The following FRMPD4 variants were observed in gnomAD, a reference collection of about 807,000 sequenced individuals.
FRMPD4 encodes FERM and PDZ domain containing 4.
Under a neutral mutation model 94.1 loss-of-function variants are expected in FRMPD4, and 22 were observed. The ratio of observed to expected loss-of-function variants is 0.23; its 90% CI spans 0.17 to 0.33. FRMPD4 has a LOEUF of 0.33. Among genes scored for constraint, FRMPD4 ranks in the 10% least tolerant of loss-of-function variants. The pLI, the probability that FRMPD4 is intolerant of heterozygous loss-of-function variation, is 1.00. For synonymous variants in FRMPD4, 631 were observed against 548.6 expected (o/e 1.15, Z -2.10); for missense variants, 1,111 against 1,339.9 (o/e 0.83, Z 2.67).
chrX:12,343,542 A>C (rs140362253), intron 1 of FRMPD4, among the ~76,000 whole-genome samples: 1 of 111,508 alleles, frequency 9.0e-6, no homozygotes, highest in African/African-American at 3.3e-5. Flanking sequence ...AAATGAAGAG[A>C]AGAGAGCTGA....
chrX:12,488,447 T>C (rs1368500284), intron 1 of FRMPD4, among the ~76,000 whole-genome samples: 2 of 112,037 alleles, frequency 1.8e-5, no homozygotes, highest in South Asian at 3.7e-4. Flanking sequence ...AGTGAGTTTT[T>C]CCATTATTGT....
At chrX:12,347,401 C>A (rs940695440) in intron 1 of FRMPD4, among the ~76,000 whole-genome samples, 2 of 109,870 alleles carry the variant, frequency 1.8e-5, no homozygotes, top group African/African-American at 6.6e-5. Flanking sequence ...CCATGCTGGG[C>A]TAATTTTTTT....
chrX:12,539,491 T>C (rs1479384423), intron 2 of FRMPD4, among the ~76,000 whole-genome samples: 2 of 111,699 alleles, frequency 1.8e-5, no homozygotes, highest in African/African-American at 6.5e-5. Context: ...ATTTGTCAGA[T>C]TCACCAAAGT....
chrX:12,506,437 C>T (rs1489002217), intron 2 of FRMPD4, among the ~76,000 whole-genome samples: 4 of 110,774 alleles, frequency 3.6e-5, no homozygotes, highest in African/African-American at 6.6e-5. Flanking sequence ...TACAGGTGCA[C>T]GCCACCACAC....
intron 3 of FRMPD4, among the ~76,000 whole-genome samples, chrX:12,097,696 T>A (rs906510559): frequency 2.7e-5 from 3 of 112,642 alleles, no homozygotes; most frequent in African/African-American, 9.7e-5. Flanking sequence ...GTGTCTGGCT[T>A]CTTTCACTGA....
rs1427092600 is a variant in FRMPD4 at position 11,847,951 on chromosome X, G to T, written c.-160-17135G>T. On this transcript the variant is annotated intron_variant, in intron 1 of 18. Transcript: ENST00000640291. ...AATGCTAAATGACGAGTTAATGGGT[G>T]CAGCACACCAGCATGGCACATGTAG... 6.8e-5 allele frequency among the ~76,000 whole-genome samples: 7 copies of T among 103,069 alleles called. No homozygotes were observed. In the Admixed American group the frequency reaches 7.3e-4, roughly 11 times the overall value. The allele number at this position is 103,069 out of a possible 115,157, so 89.5% of individuals were successfully genotyped here.
At chrX:11,828,649 C>T (rs1325306420) in intron 1 of FRMPD4, among the ~76,000 whole-genome samples, 1 of 112,033 alleles carries the variant, frequency 8.9e-6, no homozygotes, top group South Asian at 3.7e-4. Context: ...GAGAGAGGTG[C>T]CTTCCTACAG....
chrX:11,943,138 G>A (rs1037390437), intron 3 of FRMPD4, among the ~76,000 whole-genome samples: 10 of 111,692 alleles, frequency 9.0e-5, no homozygotes, highest in African/African-American at 1.6e-4. Context: ...AGAAATGAGC[G>A]TTGGAATACC....
At chrX:12,079,502 T>C (rs2055046147) in intron 3 of FRMPD4, among the ~76,000 whole-genome samples, 1 of 111,963 alleles carries the variant, frequency 8.9e-6, no homozygotes, top group Non-Finnish European at 1.9e-5. Context: ...TTTTACACTT[T>C]AAGACTTTAT....
At chrX:11,832,292 G>A (rs1439154094) in intron 1 of FRMPD4, among the ~76,000 whole-genome samples, 1 of 111,603 alleles carries the variant, frequency 9.0e-6, no homozygotes, top group Non-Finnish European at 1.9e-5. Flanking sequence ...TATATCTAAT[G>A]GGCAATAACT....
At chrX:12,352,633 A>G (rs2055832956) in intron 1 of FRMPD4, among the ~76,000 whole-genome samples, 1 of 112,237 alleles carries the variant, frequency 8.9e-6, no homozygotes, top group African/African-American at 3.2e-5. Flanking sequence ...TGTGGTTTTC[A>G]GTTGCATTTC....
chrX:12,561,016 G>A (rs1248330701), intron 2 of FRMPD4, among the ~76,000 whole-genome samples: 9 of 108,293 alleles, frequency 8.3e-5, no homozygotes, highest in Non-Finnish European at 1.7e-4. Context: ...TGATCCGCCC[G>A]CCTCGGCCTC....
chrX:12,262,550 A>G (rs1447110158), intron 1 of FRMPD4, among the ~76,000 whole-genome samples: 2 of 112,382 alleles, frequency 1.8e-5, no homozygotes, highest in Admixed American at 1.9e-4. Flanking sequence ...AATCTAACTC[A>G]CAGGGTTGTT....
intron 1 of FRMPD4, among the ~76,000 whole-genome samples, chrX:12,466,079 T>C (rs1003270009): frequency 3.6e-5 from 4 of 111,392 alleles, no homozygotes; most frequent in Admixed American, 1.9e-4. Flanking sequence ...CATGGGACTG[T>C]TTTTTGACTT....
At chrX:12,201,980 G>A (rs932017273) in intron 1 of FRMPD4, among the ~76,000 whole-genome samples, 4 of 103,150 alleles carry the variant, frequency 3.9e-5, no homozygotes, top group African/African-American at 1.4e-4. Context: ...TCTGTCCTCT[G>A]GGTGCTTTTT....
At chrX:12,483,711 A>G (rs993560467) in intron 1 of FRMPD4, among the ~76,000 whole-genome samples, 5 of 111,917 alleles carry the variant, frequency 4.5e-5, no homozygotes, top group African/African-American at 6.5e-5. Context: ...TTATTTTGTG[A>G]ACCCATGCTG....
chrX:12,039,143 C>T (rs1460347327), intron 3 of FRMPD4, among the ~76,000 whole-genome samples: 1 of 110,129 alleles, frequency 9.1e-6, no homozygotes, highest in East Asian at 2.8e-4. Flanking sequence ...GCTGGGACCA[C>T]AGGCATGTAC....
chrX:12,538,571 C>G (rs2148303132), intron 2 of FRMPD4, among the ~76,000 whole-genome samples: 1 of 111,810 alleles, frequency 8.9e-6, no homozygotes, highest in South Asian at 3.7e-4. Context: ...TGGGAGGCAC[C>G]CCCCAGTAGG....
intron 9 of FRMPD4, among the ~76,000 whole-genome samples, chrX:12,697,545 G>T (rs1342842279): frequency 8.0e-5 from 9 of 112,386 alleles, no homozygotes; most frequent in Non-Finnish European, 1.7e-4. Flanking sequence ...ATTTATAAAA[G>T]AACAATGTGG....
Sources: allele counts gnomAD v4.1 joint callset (sites outside exome capture counted in the v4.1 genomes callset), GRCh38; gene constraint gnomAD v4.1.1; transcripts MANE v1.5; gene names NCBI Gene and HGNC (gene_info 2026-07-23, HGNC 2026-07-21).